The following CDK19 variants were observed in gnomAD, a reference collection of about 807,000 sequenced individuals.
CDK19 encodes cyclin-dependent kinase 19.
A neutral mutation model predicts 68.3 loss-of-function variants in CDK19; 20 were observed. The observed-to-expected ratio is 0.29, with a 90% CI of 0.21 to 0.43. The LOEUF (loss-of-function observed/expected upper bound fraction) is 0.43. Among genes scored for constraint, CDK19 ranks in the 20% least tolerant of loss-of-function variants. CDK19 has a pLI of 1.00. For synonymous variants in CDK19, 221 were observed against 222.8 expected, an observed-to-expected ratio of 0.99 and a Z score of 0.07; for missense variants, 339 against 623.5, an observed-to-expected ratio of 0.54 and a Z score of 4.86.
chr6:110,638,420 C>A (rs1248539457), intron 5 of CDK19, among the ~76,000 whole-genome samples: 6 of 152,148 alleles, frequency 3.9e-5, no homozygotes, highest in Non-Finnish European at 8.8e-5. Flanking sequence ...CTTTTGTGAA[C>A]TAGCTTGTCA....
chr6:110,691,693 G>A (rs2114582930), intron 2 of CDK19, among the ~76,000 whole-genome samples: 1 of 150,642 alleles, frequency 6.6e-6, no homozygotes, highest in South Asian at 2.1e-4. Context: ...TGTCGCCCAG[G>A]TTGGAGTACA....
intron 2 of CDK19, among the ~76,000 whole-genome samples, chr6:110,679,539 G>A (rs578142401): frequency 6.3e-4 from 96 of 152,248 alleles, no homozygotes; most frequent in African/African-American, 2.1e-3. Context: ...TTGAACCTGG[G>A]AGGCGGAGGT....
intron 1 of CDK19, among the ~76,000 whole-genome samples, chr6:110,792,626 C>T (rs965273958): frequency 2.0e-5 from 3 of 152,154 alleles, no homozygotes; most frequent in Non-Finnish European, 4.4e-5. Flanking sequence ...AGGCTGGTCT[C>T]GAACTCCTGA....
chr6:110,712,751 G>A (rs1291477650), intron 2 of CDK19, among the ~76,000 whole-genome samples: 4 of 152,204 alleles, frequency 2.6e-5, no homozygotes, highest in Non-Finnish European at 5.9e-5. Context: ...TGTCATTAAA[G>A]GAGTAGGTTA....
chr6:110,661,168 T>G (rs1781594283), intron 4 of CDK19, among the ~76,000 whole-genome samples: 1 of 152,254 alleles, frequency 6.6e-6, no homozygotes, highest in Non-Finnish European at 1.5e-5. Context: ...ATATTTTGAA[T>G]TCTGAAAATC....
chr6:110,784,256 C>T (rs937756580), intron 1 of CDK19, among the ~76,000 whole-genome samples: 8 of 149,498 alleles, frequency 5.4e-5, no homozygotes, highest in African/African-American at 2.0e-4. Context: ...CATAAGAGCA[C>T]AATGTTAAGA....
intron 1 of CDK19, among the ~76,000 whole-genome samples, chr6:110,754,695 T>C (rs1778714467): frequency 6.6e-6 from 1 of 152,062 alleles, no homozygotes; most frequent in Non-Finnish European, 1.5e-5. Context: ...TTGGCCAGGA[T>C]GCTCTCGATC....
At chr6:110,672,559 A>C (rs1771109501) in intron 2 of CDK19, among the ~76,000 whole-genome samples, 1 of 152,200 alleles carries the variant, frequency 6.6e-6, no homozygotes, top group Non-Finnish European at 1.5e-5. Flanking sequence ...ATGTCTCACT[A>C]CCACTCCTCT....
chr6:110,722,120 C>T (rs1171422926), intron 2 of CDK19: 1 of 152,170 alleles, frequency 6.6e-6, no homozygotes, highest in African/African-American at 2.4e-5. Context: ...AACGATTCCT[C>T]TCAATGGAAA....
chr6:110,615,814 C>G, intron 12 of CDK19, among the ~76,000 whole-genome samples: 1 of 152,280 alleles, frequency 6.6e-6, no homozygotes, highest in East Asian at 1.9e-4. Flanking sequence ...TTCTGGAGGT[C>G]AATTGGCTAC....
intron 1 of CDK19, chr6:110,814,790 A>G (rs868725501): frequency 1.5e-6 from 1 of 683,448 alleles, no homozygotes. Flanking sequence ...GACGCCTCGG[A>G]CCGGGCTGCG....
intron 2 of CDK19, among the ~76,000 whole-genome samples, chr6:110,714,722 CT>C (rs112875656): frequency 9.9e-4 from 69 of 69,812 alleles, no homozygotes; most frequent in African/African-American, 2.1e-3. Flanking sequence ...AATGTCTTTT[CT>C]TTTTTTTTTT....
intron 12 of CDK19, among the ~76,000 whole-genome samples, chr6:110,620,498 A>G (rs1488074847): frequency 6.6e-6 from 1 of 152,182 alleles, no homozygotes; most frequent in Non-Finnish European, 1.5e-5. Flanking sequence ...GGTTATCACA[A>G]TGGGTATTTT....
chr6:110,652,414 T>C (rs1781029534), intron 4 of CDK19, among the ~76,000 whole-genome samples: 1 of 152,090 alleles, frequency 6.6e-6, no homozygotes, highest in African/African-American at 2.4e-5. Flanking sequence ...GATTTTAGAG[T>C]ACATTTTTGA....
rs972928836 is a variant in CDK19 at position 110,610,859 on chromosome 6, C to A, written c.*3676G>T. 1 of 151,984 alleles carries A rather than the reference C, an allele frequency of 6.6e-6. No individual in the cohort carries two copies. Among genetic ancestry groups the A allele is most frequent in the Non-Finnish European group, 1.5e-5 (1 of 67,928 alleles). The allele number at this position is 151,984 out of a possible 1,614,324, so 9.4% of individuals were successfully genotyped here. A position where few individuals can be genotyped will look rare whatever the true frequency, so the allele number is the denominator to read the frequency against. On this transcript the variant is annotated 3_prime_UTR_variant, in exon 13 of 13. Transcript: ENST00000368911. ...TATTTTCCAACTATTTTTTTCTTTT[C>A]TTTTACCTTTAGCAGAGAAAACAGC...
chr6:110,626,979 C>T (rs761631094), intron 7 of CDK19, 23 bp downstream of exon 7: 1 of 1,587,230 alleles, frequency 6.3e-7, no homozygotes, highest in Non-Finnish European at 8.6e-7. Context: ...CAAAATATGA[C>T]TTTAAAAAGG....
chr6:110,793,137 TC>T (rs1470766873), intron 1 of CDK19, among the ~76,000 whole-genome samples: 1 of 152,160 alleles, frequency 6.6e-6, no homozygotes, highest in African/African-American at 2.4e-5. Context: ...CAAAAATCCT[TC>T]CCCGAGAACG....
At chr6:110,779,281 T>C (rs1214023045) in intron 1 of CDK19, among the ~76,000 whole-genome samples, 1 of 151,962 alleles carries the variant, frequency 6.6e-6, no homozygotes, top group African/African-American at 2.4e-5. Context: ...AATAAATGCC[T>C]TTCCCCAGTC....
intron 2 of CDK19, among the ~76,000 whole-genome samples, chr6:110,717,997 A>G (rs1582938722): frequency 6.6e-6 from 1 of 152,064 alleles, no homozygotes; most frequent in African/African-American, 2.4e-5. Flanking sequence ...GCCTTTGTAA[A>G]GCAGGCCTAA....
Sources: gnomAD v4.1 joint callset for allele counts (sites outside exome capture counted in the v4.1 genomes callset) on GRCh38, gnomAD v4.1.1 for gene constraint, MANE v1.5 for transcripts, NCBI Gene and HGNC (gene_info 2026-07-23, HGNC 2026-07-21) for gene names.